The following ADK variants were observed in gnomAD, a reference collection of about 807,000 sequenced individuals.
ADK encodes N6,N6-dimethyladenosine kinase.
A neutral mutation model predicts 44.7 loss-of-function variants in ADK; 24 were observed. The ratio of observed to expected loss-of-function variants is 0.54; its 90% CI spans 0.39 to 0.76. The LOEUF (loss-of-function observed/expected upper bound fraction) is 0.76. Ranked by LOEUF, ADK falls within the 30% of genes least tolerant of loss-of-function variation. ADK has a pLI of 0.00. For synonymous variants in ADK, 128 were observed against 142.6 expected (o/e 0.90, Z 0.73); for missense variants, 321 against 425.1 (o/e 0.76, Z 2.15).
chr10:74,162,165 T>C (rs866996117), intron 1 of ADK, among the ~76,000 whole-genome samples: 15 of 151,684 alleles, frequency 9.9e-5, no homozygotes, highest in Middle Eastern at 6.8e-3. Flanking sequence ...GGGTTACAGG[T>C]GCCCGCCACC....
intron 6 of ADK, among the ~76,000 whole-genome samples, chr10:74,439,759 T>C (rs1845330615): frequency 6.6e-6 from 1 of 152,102 alleles, no homozygotes; most frequent in Admixed American, 6.5e-5. Context: ...TAATTAAATA[T>C]CTAATGTTAA....
chr10:74,660,589 GC>G (rs951239650), intron 9 of ADK, among the ~76,000 whole-genome samples: 28 of 151,992 alleles, frequency 1.8e-4, no homozygotes, highest in African/African-American at 6.0e-4. Context: ...AATCAGCTGG[GC>G]ATGGTGGCAT....
intron 1 of ADK, among the ~76,000 whole-genome samples, chr10:74,160,011 C>T (rs909351741): frequency 6.6e-6 from 1 of 152,168 alleles, no homozygotes; most frequent in Non-Finnish European, 1.5e-5. Context: ...GTTCTCAACT[C>T]CAAGCCAAAA....
intron 6 of ADK, among the ~76,000 whole-genome samples, chr10:74,467,399 A>G (rs1846398189): frequency 6.6e-6 from 1 of 152,134 alleles, no homozygotes; most frequent in Non-Finnish European, 1.5e-5. Context: ...AAGCCACCAC[A>G]TATGTTAACG....
chr10:74,661,965 T>C, intron 9 of ADK, among the ~76,000 whole-genome samples: 1 of 152,198 alleles, frequency 6.6e-6, no homozygotes, highest in East Asian at 1.9e-4. Flanking sequence ...TAACTATTGT[T>C]CTATGAGATC....
At chr10:74,657,136 G>T (rs1361758733) in intron 9 of ADK, among the ~76,000 whole-genome samples, 2 of 151,900 alleles carry the variant, frequency 1.3e-5, no homozygotes, top group African/African-American at 2.4e-5. Flanking sequence ...TCCTGGCCTC[G>T]AGTGTTCCTC....
intron 6 of ADK, among the ~76,000 whole-genome samples, chr10:74,522,570 C>A (rs377112153): frequency 2.6e-5 from 4 of 152,230 alleles, no homozygotes; most frequent in African/African-American, 9.6e-5. Context: ...ATGGCTCCTG[C>A]CACTAAATTA....
chr10:74,696,186 A>G (rs1856194023), intron 10 of ADK, among the ~76,000 whole-genome samples: 2 of 151,360 alleles, frequency 1.3e-5, no homozygotes, highest in African/African-American at 2.4e-5. Flanking sequence ...ACACCTGGCT[A>G]ATTTTTGTAT....
intron 6 of ADK, among the ~76,000 whole-genome samples, chr10:74,462,761 C>T (rs1846216342): frequency 6.6e-6 from 1 of 152,168 alleles, no homozygotes; most frequent in Non-Finnish European, 1.5e-5. Context: ...TTACCTACAA[C>T]TTATCAAATA....
intron 1 of ADK, among the ~76,000 whole-genome samples, chr10:74,197,825 C>T (rs1328580977): frequency 3.3e-5 from 5 of 151,636 alleles, no homozygotes; most frequent in Middle Eastern, 3.4e-3. Flanking sequence ...AGTTTTTAAA[C>T]GGAGTATAAT....
intron 2 of ADK, among the ~76,000 whole-genome samples, chr10:74,207,832 A>C (rs1323651266): frequency 6.6e-6 from 1 of 152,064 alleles, no homozygotes; most frequent in Non-Finnish European, 1.5e-5. Flanking sequence ...GCTTCACCTG[A>C]ACCCACCCCT....
In ADK at chr10:74,654,243, A is replaced by G. The variant is rs552573017; in HGVS notation, c.878-15940A>G. 2.0e-5 allele frequency among the ~76,000 whole-genome samples: 3 copies of G among 152,342 alleles called. No homozygotes were observed. In the South Asian group the frequency reaches 6.2e-4, roughly 32 times the overall value. ...AAGAAGGGTCACATTTAGAATACCA[A>G]TAATGTCCTACTCCTGAAATAATTG... On this transcript the variant is annotated intron_variant, in intron 9 of 10. Coordinates refer to ENST00000539909, the MANE Select transcript of ADK (RefSeq NM_006721.4).
chr10:74,594,078 A>T (rs534482183), intron 8 of ADK, among the ~76,000 whole-genome samples: 2 of 152,176 alleles, frequency 1.3e-5, no homozygotes, highest in South Asian at 4.1e-4. Flanking sequence ...CAGCAAACTA[A>T]CACAGGAACA....
At position 74,542,885 on chromosome 10, in the gene ADK, G is replaced by GTTAT. The variant is rs994384171; in HGVS notation, c.726+17482_726+17485dup. On this transcript the variant is annotated intron_variant, in intron 7 of 10. Transcript: ENST00000539909. ...CCTTCTCATTTTTAATTTTATTTTAGTTATTTATTTATTTATTTATTTATT... is the reference window on the plus strand; with the variant it reads ...CCTTCTCATTTTTAATTTTATTTTAGTTATTTATTTATTTATTTATTTATTTATT... Among the ~76,000 whole-genome samples, 101 of 146,408 alleles carry GTTAT rather than the reference G, an allele frequency of 6.9e-4. 1 individual carries two copies. The highest frequency in any genetic ancestry group is 2.8e-3 in the Admixed American group (41 of 14,806).
At chr10:74,439,993 G>T (rs180697711) in intron 6 of ADK, among the ~76,000 whole-genome samples, 1 of 151,702 alleles carries the variant, frequency 6.6e-6, no homozygotes, top group Non-Finnish European at 1.5e-5. Context: ...TCTCTTAATA[G>T]TTAATAATTA....
chr10:74,410,205 G>A (rs867614745), intron 6 of ADK, among the ~76,000 whole-genome samples: 9 of 151,884 alleles, frequency 5.9e-5, no homozygotes, highest in African/African-American at 2.2e-4. Context: ...ACACTAAAAC[G>A]TGACTAGAAA....
At chr10:74,278,543 C>T (rs1846791404) in intron 3 of ADK, among the ~76,000 whole-genome samples, 1 of 151,762 alleles carries the variant, frequency 6.6e-6, no homozygotes, top group Non-Finnish European at 1.5e-5. Context: ...TGTTATGATC[C>T]TTTCTTTCCT....
At chr10:74,573,492 A>G (rs1564799459) in intron 7 of ADK, among the ~76,000 whole-genome samples, 1 of 152,240 alleles carries the variant, frequency 6.6e-6, no homozygotes, top group Non-Finnish European at 1.5e-5. Flanking sequence ...GCCCGTTCTC[A>G]GATCTCCATC....
At chr10:74,453,273 T>C (rs1476469349) in intron 6 of ADK, among the ~76,000 whole-genome samples, 3 of 152,152 alleles carry the variant, frequency 2.0e-5, no homozygotes, top group African/African-American at 7.2e-5. Flanking sequence ...ATTTCTGTGT[T>C]ACTAAGAACA....
Sources: allele counts gnomAD v4.1 joint callset (sites outside exome capture counted in the v4.1 genomes callset), GRCh38; gene constraint gnomAD v4.1.1; transcripts MANE v1.5; gene names NCBI Gene and HGNC (gene_info 2026-07-23, HGNC 2026-07-21).